The following KATNBL1 variants were observed in gnomAD, a reference collection of about 807,000 sequenced individuals.
KATNBL1 encodes KATNB1-like protein 1.
KATNBL1 carries 28 observed loss-of-function variants against 44.7 expected under a neutral mutation model. That is an observed-to-expected ratio of 0.63 (90% CI 0.46 to 0.86). The LOEUF (loss-of-function observed/expected upper bound fraction) is 0.86, where lower values mean the gene tolerates loss of function less well. Among genes scored for constraint, KATNBL1 ranks in the 40% least tolerant of loss-of-function variants. KATNBL1 has a pLI of 0.00. For synonymous variants in KATNBL1, 78 were observed against 114.9 expected (o/e 0.68, Z 2.06); for missense variants, 272 against 350.7 (o/e 0.78, Z 1.79).
intron 1 of KATNBL1, among the ~76,000 whole-genome samples, chr15:34,193,121 G>T (rs1889925047): frequency 6.7e-6 from 1 of 149,656 alleles, no homozygotes; most frequent in Non-Finnish European, 1.5e-5. Context: ...GGAGGCTGAG[G>T]CAGGAGAATG....
rs147044048 is a variant in KATNBL1 at position 34,141,840 on chromosome 15, AT to A, written c.*498del. 0.1 allele frequency: 15,912 copies of A among 152,370 alleles called. 1,083 individuals are homozygous for A. The highest frequency in any genetic ancestry group is 0.15 in the Non-Finnish European group (10,385 of 67,932). 9.4% of individuals were successfully genotyped at this position (152,370 alleles called of 1,614,324 possible). On this transcript the variant is annotated 3_prime_UTR_variant, in exon 10 of 10. Transcript: ENST00000256544. ...TGTGAACAAAAAATGTTTAATATTG[AT>A]TTTTTTCATGTTTTAAACTTTCAGT...
chr15:34,157,537 CTT>C (rs1235125339), intron 2 of KATNBL1, among the ~76,000 whole-genome samples: 1 of 152,144 alleles, frequency 6.6e-6, no homozygotes, highest in Non-Finnish European at 1.5e-5. Context: ...GGAAGATAAA[CTT>C]AAGTATATAA....
intron 1 of KATNBL1, among the ~76,000 whole-genome samples, chr15:34,177,659 G>A (rs1327274867): frequency 1.7e-5 from 2 of 119,566 alleles, no homozygotes; most frequent in African/African-American, 6.7e-5. Flanking sequence ...TAAACAGCTC[G>A]AAGTGTTCAC....
At chr15:34,172,617 C>T (rs185427583) in intron 1 of KATNBL1, among the ~76,000 whole-genome samples, 1 of 152,268 alleles carries the variant, frequency 6.6e-6, no homozygotes, top group African/African-American at 2.4e-5. Flanking sequence ...AATGTTGAGA[C>T]CGCTAATCTT....
At chr15:34,195,381 T>C (rs1035071796) in intron 1 of KATNBL1, among the ~76,000 whole-genome samples, 2 of 152,064 alleles carry the variant, frequency 1.3e-5, no homozygotes, top group African/African-American at 2.4e-5. Context: ...CTTATAGTAA[T>C]GTGTACATAT....
chr15:34,180,553 C>A (rs904219969), intron 1 of KATNBL1, among the ~76,000 whole-genome samples: 1 of 152,170 alleles, frequency 6.6e-6, no homozygotes, highest in Non-Finnish European at 1.5e-5. Context: ...TTATTTCTCT[C>A]GACCCAGGTC....
At chr15:34,168,510 G>A (rs1341010655) in intron 1 of KATNBL1, among the ~76,000 whole-genome samples, 1 of 152,086 alleles carries the variant, frequency 6.6e-6, no homozygotes, top group Non-Finnish European at 1.5e-5. Flanking sequence ...ACACTCCACT[G>A]TCAATATTAG....
Position 34,148,664 on chromosome 15 carries a change from T to G in KATNBL1, c.525A>C (p.Arg175Ser). 1 of 1,605,486 alleles carries G rather than the reference T, an allele frequency of 6.2e-7. No homozygotes were observed. Among genetic ancestry groups the G allele is most frequent in the Non-Finnish European group, 8.5e-7 (1 of 1,172,350 alleles). The change falls in exon 5 of 10, where the codon AGA becomes AGC. Residue 175 changes from arginine to serine, a missense_variant. Around this residue, in one of 3 missense-constraint regions of KATNBL1, gnomAD observed 111 missense variants for 149.3 expected, o/e 0.74. Transcript: ENST00000256544. ...LNVALTFWRK[R>S]SISELVAYLL... is the part of the protein sequence containing the mutation. ...AATAAGCTACAAGTTCACTTATACT[T>G]CTCTTTCTCCAGAAAGTTAAAGCTA... is the stretch of plus-strand genomic sequence containing the variant.
intron 1 of KATNBL1, among the ~76,000 whole-genome samples, chr15:34,203,268 A>G (rs894276105): frequency 1.3e-5 from 2 of 152,066 alleles, no homozygotes; most frequent in African/African-American, 4.8e-5. Flanking sequence ...AATAACCTAC[A>G]TCCAATTTGT....
intron 1 of KATNBL1, among the ~76,000 whole-genome samples, chr15:34,175,020 C>A (rs1033582264): frequency 1.3e-5 from 2 of 151,846 alleles, no homozygotes; most frequent in African/African-American, 4.8e-5. Context: ...GCTGACGAGG[C>A]AGGAGGATTG....
chr15:34,175,822 G>C (rs775162542), intron 1 of KATNBL1, among the ~76,000 whole-genome samples: 1 of 151,304 alleles, frequency 6.6e-6, no homozygotes, highest in Non-Finnish European at 1.5e-5. Flanking sequence ...CCCAGATCAC[G>C]CCATTGCACT....
chr15:34,153,305 CATA>C (rs1469379716), intron 3 of KATNBL1, among the ~76,000 whole-genome samples: 2 of 152,096 alleles, frequency 1.3e-5, no homozygotes, highest in African/African-American at 4.8e-5. Flanking sequence ...TGAAGACAGA[CATA>C]ATAACCAGAA....
intron 1 of KATNBL1, among the ~76,000 whole-genome samples, chr15:34,171,009 C>T (rs1342452929): frequency 6.6e-6 from 1 of 152,180 alleles, no homozygotes; most frequent in Non-Finnish European, 1.5e-5. Flanking sequence ...CAATACCATT[C>T]AGGACACAGA....
In KATNBL1 at chr15:34,203,018, T is replaced by G. The variant is rs1339775111; in HGVS notation, c.-15+6933A>C. On this transcript the variant is annotated intron_variant, in intron 1 of 9. Transcript: ENST00000256544. The stretch of plus-strand genomic sequence containing the variant: ...AAAATAAAAATAAATAAATAAAATC[T>G]CTCATCATACTGTTTCACCTAAACT... Among the ~76,000 whole-genome samples the G allele has an allele frequency of 3.3e-5, 5 of 151,884 alleles. No homozygotes were observed. The East Asian group carries it at 9.7e-4, about 29-fold the overall frequency.
intron 1 of KATNBL1, among the ~76,000 whole-genome samples, chr15:34,200,741 C>A (rs1803396395): frequency 6.6e-6 from 1 of 152,144 alleles, no homozygotes; most frequent in Admixed American, 6.5e-5. Flanking sequence ...GACTGAGATA[C>A]CCTGAAATAA....
At chr15:34,174,683 A>AT (rs1889270395) in intron 1 of KATNBL1, among the ~76,000 whole-genome samples, 1 of 151,824 alleles carries the variant, frequency 6.6e-6, no homozygotes, top group South Asian at 2.1e-4. Flanking sequence ...TTTTTTCTTA[A>AT]TTCGCTTTGT....
At position 34,152,481 on chromosome 15, in the gene KATNBL1, G is replaced by A. The variant is rs147990648; in HGVS notation, c.438+309C>T. On this transcript the variant is annotated intron_variant, in intron 4 of 9. Coordinates refer to ENST00000256544, the MANE Select transcript of KATNBL1 (RefSeq NM_024713.3). Reference sequence around the variant, plus strand: ...GCTCCAGGCGTGAGCCACTGTGTCCGGCCTAGTGCTCCACTTTTTTAGGCA... The same window carrying A: ...GCTCCAGGCGTGAGCCACTGTGTCCAGCCTAGTGCTCCACTTTTTTAGGCA... Among the ~76,000 whole-genome samples, 29 of 152,312 alleles carry A rather than the reference G, an allele frequency of 1.9e-4. 1 individual carries two copies. Among genetic ancestry groups the A allele is most frequent in the African/African-American group, 4.3e-4 (18 of 41,572 alleles).
At chr15:34,166,375 G>A (rs1353478970) in intron 1 of KATNBL1, among the ~76,000 whole-genome samples, 7 of 152,266 alleles carry the variant, frequency 4.6e-5, no homozygotes, top group African/African-American at 1.7e-4. Context: ...GCAGCAGCCT[G>A]GCAGGGGGAG....
At chr15:34,148,993 T>C (rs1054862236) in intron 4 of KATNBL1, among the ~76,000 whole-genome samples, 3 of 152,222 alleles carry the variant, frequency 2.0e-5, no homozygotes, top group African/African-American at 7.2e-5. Flanking sequence ...TATAAAATTA[T>C]TTTTAGCTGA....
Sources: allele counts gnomAD v4.1 joint callset (sites outside exome capture counted in the v4.1 genomes callset), GRCh38; gene constraint gnomAD v4.1.1; regional missense constraint gnomAD v4.1.1; transcripts MANE v1.5; gene names NCBI Gene and HGNC (gene_info 2026-07-23, HGNC 2026-07-21).